TMPRSS6: variants seen among roughly 807,000 people sequenced by gnomAD.
The protein encoded by TMPRSS6 is transmembrane serine protease 6.
In TMPRSS6, 67 loss-of-function variants were observed where a neutral mutation model predicts 101.5. The ratio of observed to expected loss-of-function variants is 0.66; its 90% CI spans 0.54 to 0.81. The LOEUF is 0.81. Among genes scored for constraint, TMPRSS6 ranks in the 30% least tolerant of loss-of-function variants. The pLI is 0.00. For synonymous variants in TMPRSS6, 453 were observed against 464.9 expected (o/e 0.97, Z 0.33); for missense variants, 1,034 against 1,088.7 (o/e 0.95, Z 0.71).
chr22:37,107,871 TA>T (rs1230372700), intron 1 of TMPRSS6, among the ~76,000 whole-genome samples: 1 of 152,220 alleles, frequency 6.6e-6, no homozygotes, highest in Non-Finnish European at 1.5e-5. Context: ...TACAGAGGCC[TA>T]AATTGCCTGA....
chr22:37,092,208 C>A (rs1054737916), intron 6 of TMPRSS6, among the ~76,000 whole-genome samples: 3 of 152,008 alleles, frequency 2.0e-5, no homozygotes, highest in South Asian at 2.1e-4. Context: ...ACTGAACACG[C>A]CTTGGGTGTT....
intron 17 of TMPRSS6, 73 bp from the exon 18 acceptor site, chr22:37,066,311 A>G: frequency 1.4e-6 from 2 of 1,428,966 alleles, no homozygotes; most frequent in Non-Finnish European, 1.9e-6. Context: ...AGCCATAGGG[A>G]TTAAGTCCTG....
chr22:37,099,927 G>A (rs191863056), intron 2 of TMPRSS6, among the ~76,000 whole-genome samples: 19 of 122,060 alleles, frequency 1.6e-4, no homozygotes, highest in Admixed American at 1.4e-3. Flanking sequence ...TGGGTAAGAT[G>A]GGAGGAATGG....
chr22:37,092,659 G>C (rs767846061), intron 6 of TMPRSS6, among the ~76,000 whole-genome samples: 2 of 152,210 alleles, frequency 1.3e-5, no homozygotes, highest in African/African-American at 2.4e-5. Context: ...ACCATGACCA[G>C]CTAATTTTGT....
chr22:37,094,617 A>T (rs1169204007), intron 6 of TMPRSS6, among the ~76,000 whole-genome samples: 1 of 152,086 alleles, frequency 6.6e-6, no homozygotes, highest in African/African-American at 2.4e-5. Context: ...TCGTTCCCCC[A>T]TTAATCAGCC....
chr22:37,084,150 A>T (rs1181551910), intron 10 of TMPRSS6, 145 bp downstream of exon 10: 3 of 748,204 alleles, frequency 4.0e-6, no homozygotes, highest in East Asian at 5.4e-5. Flanking sequence ...AACAGGCCTG[A>T]CACCAGCCCC....
At chr22:37,107,850 T>C (rs890456940) in intron 1 of TMPRSS6, among the ~76,000 whole-genome samples, 1 of 152,224 alleles carries the variant, frequency 6.6e-6, no homozygotes, top group Non-Finnish European at 1.5e-5. Context: ...TGCATTTTTC[T>C]TTATAGCAAT....
chr22:37,107,635 G>A (rs112800763), intron 1 of TMPRSS6, among the ~76,000 whole-genome samples: 3,813 of 151,910 alleles, frequency 0.025, 170 homozygotes, highest in African/African-American at 0.088. Flanking sequence ...CACAAGCCTC[G>A]CACGGCTTCC....
chr22:37,072,279 GGATGGATGGATGATGGATGGATGGAT>G (rs1927053818), intron 13 of TMPRSS6, among the ~76,000 whole-genome samples: 1 of 140,916 alleles, frequency 7.1e-6, no homozygotes. Flanking sequence ...ATGGTTGCAT[GGATGGATGGATGATGGATGGATGGAT>G]GATGGATGGA....
rs954117655 is a variant in TMPRSS6 at position 37,074,712 on chromosome 22, CA to C, written c.1343-5del. 5.0e-6 allele frequency: 8 copies of C among 1,614,048 alleles called. No individual in the cohort carries two copies. The highest frequency in any genetic ancestry group is 5.9e-6 in the Non-Finnish European group (7 of 1,179,970). ...CAGAGGAACTCTCCAGGGCAGGCTG[CA>C]AAACCACAGGGGACCGTGGAGGCAG... is the stretch of plus-strand genomic sequence containing the variant. On this transcript the variant is annotated splice_region_variant and splice_polypyrimidine_tract_variant and intron_variant, in intron 11 of 17. Coordinates refer to ENST00000676104, the MANE Select transcript of TMPRSS6 (RefSeq NM_001374504.1).
intron 13 of TMPRSS6, 58 bp from the exon 14 acceptor site, chr22:37,071,090 AC>A (rs1926857670): frequency 6.5e-7 from 1 of 1,529,434 alleles, no homozygotes; most frequent in East Asian, 2.3e-5. Flanking sequence ...CCCCAAGGAA[AC>A]CTTCCAAAGT....
At chr22:37,091,111 C>T (rs566936142) in intron 6 of TMPRSS6, among the ~76,000 whole-genome samples, 46 of 152,104 alleles carry the variant, frequency 3.0e-4, no homozygotes, top group African/African-American at 7.2e-4. Flanking sequence ...TTCATTCATT[C>T]AAAACAGTGA....
chr22:37,077,937 C>A (rs2146077882), intron 10 of TMPRSS6, among the ~76,000 whole-genome samples: 1 of 152,324 alleles, frequency 6.6e-6, no homozygotes, highest in East Asian at 1.9e-4. Context: ...CCATGGTTCC[C>A]CCAGCCCAGC....
At chr22:37,096,515 C>T in intron 4 of TMPRSS6, 133 bp downstream of exon 4, 1 of 1,020,704 alleles carries the variant, frequency 9.8e-7, no homozygotes, top group Non-Finnish European at 1.5e-6. Flanking sequence ...ATGCAGGAAG[C>T]CAAGTTCCCT....
chr22:37,096,852 G>A lies in TMPRSS6; in HGVS notation c.337-137C>T, dbSNP rs1350949306. The A allele has an allele frequency of 9.2e-6, 8 of 866,330 alleles. No homozygotes were observed. The Admixed American group carries it at 1.2e-4, about 13-fold the overall frequency. The allele number at this position is 866,330 out of a possible 1,614,324, so 53.7% of individuals were successfully genotyped here. A position where few individuals can be genotyped will look rare whatever the true frequency, so the allele number is the denominator to read the frequency against. On this transcript the variant is annotated intron_variant, in intron 3 of 17. Transcript: ENST00000676104. ...CTCCAAGGTGGACAGGCTTGATCAC[G>A]GTCACACAGTGCTGAGTGGCCGGGC... is the stretch of plus-strand genomic sequence containing the variant.
At chr22:37,081,051 CA>C (rs1335672836) in intron 10 of TMPRSS6, among the ~76,000 whole-genome samples, 7 of 152,260 alleles carry the variant, frequency 4.6e-5, no homozygotes, top group African/African-American at 1.4e-4. Flanking sequence ...TGACTTTGTG[CA>C]AATTACTTCA....
At chr22:37,067,077 C>T in intron 16 of TMPRSS6, 115 bp from the exon 17 acceptor site, 11 of 1,493,466 alleles carry the variant, frequency 7.4e-6, no homozygotes, top group Non-Finnish European at 1.0e-5. Context: ...CTGCTCTGCC[C>T]ACCCTTACCC....
intron 15 of TMPRSS6, among the ~76,000 whole-genome samples, chr22:37,070,208 C>T (rs1207334006): frequency 6.6e-6 from 1 of 151,976 alleles, no homozygotes; most frequent in Non-Finnish European, 1.5e-5. Flanking sequence ...AGTAGGAGCA[C>T]AAGTGTTGCT....
At position 37,089,584 on chromosome 22, in the gene TMPRSS6, A is replaced by G; in HGVS notation, c.830T>C (p.Ile277Thr). 8.2e-7 allele frequency: 1 copy of G among 1,221,410 alleles called. No individual in the cohort carries two copies. The allele number at this position is 1,221,410 out of a possible 1,614,324, so 75.7% of individuals were successfully genotyped here. Residue 277 changes from isoleucine (I) to threonine (T), a missense_variant, in exon 7 of 18, where the codon ATC becomes ACC. Transcript: ENST00000676104. The part of the protein sequence containing the change: ...DVAGPLEKRL[I>T]TSVYGCSRQE... ...CTCCTTCCCAGGGACTCACGAGGTGATGAGCCTCTTCTCCAGGGGCCCGGC... is the reference window on the plus strand; with the variant it reads ...CTCCTTCCCAGGGACTCACGAGGTGGTGAGCCTCTTCTCCAGGGGCCCGGC...
Sources: allele counts gnomAD v4.1 joint callset (sites outside exome capture counted in the v4.1 genomes callset), GRCh38; gene constraint gnomAD v4.1.1; transcripts MANE v1.5; gene names NCBI Gene and HGNC (gene_info 2026-07-23, HGNC 2026-07-21).